DKKL1: variants seen among roughly 807,000 people sequenced by gnomAD.
DKKL1 encodes the protein dickkopf like acrosomal protein 1.
A neutral mutation model predicts 16.5 loss-of-function variants in DKKL1; 11 were observed. That is an observed-to-expected ratio of 0.67 (90% CI 0.42 to 1.10). DKKL1 has a LOEUF of 1.10. Ranked by LOEUF, DKKL1 falls within the 50% of genes least tolerant of loss-of-function variation. The pLI, the probability that DKKL1 is intolerant of heterozygous loss-of-function variation, is 0.00. For missense variants in DKKL1, 320 were observed against 308.1 expected (o/e 1.04, Z -0.29); for synonymous variants, 119 against 133.2 (o/e 0.89, Z 0.73).
At chr19:49,363,786 C>T, upstream of DKKL1, 2 of 653,810 alleles carry the variant, frequency 3.1e-6, no homozygotes, top group Non-Finnish European at 5.5e-6. Context: ...AGTAGAGGCC[C>T]GGGCTCCTGG....
At chr19:49,363,790 C>T (rs941692739), upstream of DKKL1, 3 of 668,488 alleles carry the variant, frequency 4.5e-6, no homozygotes, top group Non-Finnish European at 8.0e-6. Context: ...GAGGCCCGGG[C>T]TCCTGGGTGA....
At chr19:49,365,405 G>A (rs1973209177) in intron 2 of DKKL1, 104 bp from the exon 3 acceptor site, 2 of 1,380,266 alleles carry the variant, frequency 1.4e-6, no homozygotes, top group Admixed American at 2.5e-5. Context: ...GGGATGGGAG[G>A]GACTTGGGGC....
intron 4 of DKKL1, among the ~76,000 whole-genome samples, chr19:49,373,490 G>A (rs1284401103): frequency 6.6e-6 from 1 of 151,948 alleles, no homozygotes; most frequent in African/African-American, 2.4e-5. Context: ...TGTTTTTTAA[G>A]CCTGGGTCTT....
rs1973180376 is a variant in DKKL1, at chr19:49,364,645, TGA to T, written c.75_76del (p.Ile26ProfsTer9). 6.2e-7 allele frequency: 1 copy of T among 1,613,828 alleles called. No homozygotes were observed. Among genetic ancestry groups the T allele is most frequent in the East Asian group, 2.2e-5 (1 of 44,878 alleles). On this transcript the variant is annotated frameshift_variant, in exon 2 of 5. Transcript: ENST00000221498. LOFTEE classifies it high-confidence loss of function. ...CTGCTGCTGCTCCTCTCTACCCTGG[TGA>T]TCCCCTCCGCTGCAGCTCCTATCCA...
At chr19:49,366,816 T>C (rs1307570077) in intron 4 of DKKL1, among the ~76,000 whole-genome samples, 2 of 151,452 alleles carry the variant, frequency 1.3e-5, no homozygotes, top group East Asian at 1.9e-4. Flanking sequence ...CAAATGATCC[T>C]CCCACCTCAG....
At position 49,363,877 on chromosome 19, in the gene DKKL1, A is replaced by G. The variant is rs1307719394; in HGVS notation, c.-122A>G. ...CGGAGCGCAACCAACGCTCTAGACC[A>G]GACCTGGGCTCGAGACCATAACTGT... On this transcript the variant is annotated 5_prime_UTR_variant, in exon 1 of 5. Coordinates refer to ENST00000221498, the MANE Select transcript of DKKL1 (RefSeq NM_014419.4). 7.1e-7 allele frequency: 1 copy of G among 1,405,962 alleles called. No homozygotes were observed. Among genetic ancestry groups the G allele is most frequent in the African/African-American group, 1.4e-5 (1 of 70,082 alleles). The allele number at this position is 1,405,962 out of a possible 1,614,324, so 87.1% of individuals were successfully genotyped here. A position where few individuals can be genotyped will look rare whatever the true frequency, so the allele number is the denominator to read the frequency against.
intron 4 of DKKL1, chr19:49,369,325 TTTTG>T (rs1173091255): frequency 5.6e-5 from 8 of 142,114 alleles, no homozygotes; most frequent in Admixed American, 5.4e-4. Context: ...GCTAATTTTT[TTTTG>T]TTTGTTTTTT....
At chr19:49,363,509 T>C (rs575567349), upstream of DKKL1, 13 of 240,886 alleles carry the variant, frequency 5.4e-5, no homozygotes, top group East Asian at 1.2e-4. Flanking sequence ...AGGGGCGTGG[T>C]CCAGTGCAGG....
intron 3 of DKKL1, 51 bp from the exon 4 acceptor site, chr19:49,365,742 G>C (rs376613215): frequency 5.6e-6 from 9 of 1,604,166 alleles, no homozygotes; most frequent in Non-Finnish European, 6.8e-6. Context: ...AGGGAAGGAG[G>C]GCGGAGGAGG....
chr19:49,369,725 T>TTCAC (rs1973399856), intron 4 of DKKL1: 1 of 153,292 alleles, frequency 6.5e-6, no homozygotes, highest in African/African-American at 2.4e-5. Context: ...AGGAGTCACC[T>TTCAC]GTGGTGAGGT....
chr19:49,365,786 C>T lies in DKKL1; in HGVS notation c.325-7C>T. 1.2e-6 allele frequency: 2 copies of T among 1,613,554 alleles called. No individual in the cohort carries two copies. Among genetic ancestry groups the T allele is most frequent in the South Asian group, 1.1e-5 (1 of 90,964 alleles). ...TTTGCTCTCACTCTCTCATCGGATC[C>T]TCACAGATGACCGACAACAAGACAG... On this transcript the variant is annotated splice_region_variant and splice_polypyrimidine_tract_variant and intron_variant, in intron 3 of 4. Transcript: ENST00000221498.
upstream of DKKL1, chr19:49,363,548 TC>T (rs1472353682): frequency 1.9e-5 from 6 of 320,506 alleles, no homozygotes; most frequent in Non-Finnish European, 3.0e-5. Context: ...GGCGTGGCTT[TC>T]AGCCAAGGGG....
At chr19:49,374,038 G>A (rs1973621597) in intron 4 of DKKL1, among the ~76,000 whole-genome samples, 1 of 151,714 alleles carries the variant, frequency 6.6e-6, no homozygotes, top group African/African-American at 2.4e-5. Context: ...AGGCTGGAGT[G>A]CAGTGGTGCG....
At chr19:49,373,133 G>A (rs779109325) in intron 4 of DKKL1, among the ~76,000 whole-genome samples, 14 of 151,918 alleles carry the variant, frequency 9.2e-5, no homozygotes, top group Non-Finnish European at 1.6e-4. Context: ...GTGAAACCCC[G>A]TCTCTACTAA....
At chr19:49,368,398 A>G (rs918553975) in intron 4 of DKKL1, among the ~76,000 whole-genome samples, 1 of 150,992 alleles carries the variant, frequency 6.6e-6, no homozygotes, top group Non-Finnish European at 1.5e-5. Context: ...AGGTGGGAGG[A>G]TTGTTTGAGA....
At chr19:49,365,752 G>A (rs368943409) in intron 3 of DKKL1, 41 bp from the exon 4 acceptor site, 3 of 1,607,388 alleles carry the variant, frequency 1.9e-6, no homozygotes, top group African/African-American at 1.3e-5. Context: ...GGCGGAGGAG[G>A]AAAGCAGGTT....
At chr19:49,369,839 G>A (rs151011018) in intron 4 of DKKL1, 3 of 152,692 alleles carry the variant, frequency 2.0e-5, no homozygotes, top group East Asian at 1.9e-4. Context: ...AAGGGTGCTC[G>A]TGAAGGCTAG....
In DKKL1 at chr19:49,374,774, T is replaced by A. The variant is rs1444146488; in HGVS notation, c.475T>A (p.Phe159Ile). 6.2e-7 allele frequency: 1 copy of A among 1,603,666 alleles called. No homozygotes were observed. The highest frequency in any genetic ancestry group is 8.5e-7 in the Non-Finnish European group (1 of 1,174,090). Residue 159 changes from phenylalanine (F) to isoleucine (I), a missense_variant, in exon 5 of 5, where the codon TTC (phenylalanine) becomes ATC (isoleucine). Phe to Ile is a conservative substitution (Grantham distance 21). Transcript: ENST00000221498. ...ACCCATCCAGAAGGCCACGGACAGC[T>A]TCCACACAGAACTCCATCCCCGGGT... ...LVPIQKATDS[F>I]HTELHPRVAF... is the part of the protein sequence containing the mutation.
In DKKL1 at chr19:49,364,088, G is replaced by A. The variant is rs1043407066; in HGVS notation, c.10+80G>A. 53 of 1,574,090 alleles carry A rather than the reference G, an allele frequency of 3.4e-5. No homozygotes were observed. In the Admixed American group the frequency reaches 4.7e-4, roughly 14 times the overall value. On this transcript the variant is annotated intron_variant, in intron 1 of 4. Transcript: ENST00000221498. ...GATGAGGCCGGGTGCTGTGGCTTAC[G>A]CCTGCAATCCCAACACTTTGGGAGG... is the stretch of plus-strand genomic sequence containing the variant.
Sources: allele counts gnomAD v4.1 joint callset (sites outside exome capture counted in the v4.1 genomes callset), GRCh38; gene constraint gnomAD v4.1.1; transcripts MANE v1.5; gene names NCBI Gene and HGNC (gene_info 2026-07-23, HGNC 2026-07-21).